GALNT14: variants seen among roughly 807,000 people sequenced by gnomAD.
GALNT14 encodes the protein UDP-GalNAc:polypeptide N-acetylgalactosaminyltransferase 14.
Under a neutral mutation model 77.5 loss-of-function variants are expected in GALNT14, and 60 were observed. The ratio of observed to expected loss-of-function variants is 0.77; its 90% CI spans 0.63 to 0.96. GALNT14 has a LOEUF of 0.96. Among genes scored for constraint, GALNT14 ranks in the 40% least tolerant of loss-of-function variants. The probability of loss-of-function intolerance (pLI) is 0.00; values close to 1 mark genes in which losing one functional copy is unlikely to be tolerated. For missense variants in GALNT14, 710 were observed against 731.0 expected (o/e 0.97, Z 0.33); for synonymous variants, 280 against 281.7 (o/e 0.99, Z 0.06).
At chr2:30,954,245 G>A (rs1196079585) in intron 6 of GALNT14, among the ~76,000 whole-genome samples, 1 of 152,210 alleles carries the variant, frequency 6.6e-6, no homozygotes, top group Non-Finnish European at 1.5e-5. Flanking sequence ...GAGCATGGAG[G>A]GAGGCGTGCA....
intron 1 of GALNT14, among the ~76,000 whole-genome samples, chr2:30,996,860 C>G (rs1422351212): frequency 2.0e-5 from 3 of 152,174 alleles, no homozygotes; most frequent in Admixed American, 6.5e-5. Flanking sequence ...ACTGAGACCC[C>G]CTGAGGGGGA....
the GALNT14 span, among the ~76,000 whole-genome samples, chr2:30,904,939 C>A: frequency 7.2e-4 from 109 of 152,100 alleles, no homozygotes; most frequent in African/African-American, 2.5e-3. Context: ...AGGCACCCCC[C>A]AGCAGGGGCA....
intron 14 of GALNT14, 119 bp downstream of exon 14, chr2:30,912,104 C>A: frequency 7.6e-7 from 1 of 1,322,106 alleles, no homozygotes. Context: ...CTCCTGACCT[C>A]TCTTATCAAC....
chr2:31,044,679 A>T (rs575907015), intron 1 of GALNT14, among the ~76,000 whole-genome samples: 27 of 152,064 alleles, frequency 1.8e-4, no homozygotes, highest in Non-Finnish European at 4.0e-4. Flanking sequence ...GCGCTTTGGG[A>T]GGTCGAGGTG....
chr2:31,113,312 C>A (rs1016898757), intron 1 of GALNT14, among the ~76,000 whole-genome samples: 1 of 152,040 alleles, frequency 6.6e-6, no homozygotes, highest in African/African-American at 2.4e-5. Context: ...CAGGATCTGC[C>A]GGGCTGGGTG....
At chr2:31,007,788 T>C (rs1336991117) in intron 1 of GALNT14, among the ~76,000 whole-genome samples, 1 of 152,168 alleles carries the variant, frequency 6.6e-6, no homozygotes, top group Non-Finnish European at 1.5e-5. Context: ...TGCATTAAAA[T>C]CAGATTCTGG....
At chr2:30,994,688 C>T (rs763350901) in intron 1 of GALNT14, among the ~76,000 whole-genome samples, 13 of 152,136 alleles carry the variant, frequency 8.5e-5, no homozygotes, top group Non-Finnish European at 1.3e-4. Context: ...CATCACCCCA[C>T]GGTAACCTTG....
At chr2:31,030,189 G>A (rs961661103) in intron 1 of GALNT14, among the ~76,000 whole-genome samples, 1 of 152,154 alleles carries the variant, frequency 6.6e-6, no homozygotes, top group Non-Finnish European at 1.5e-5. Context: ...CTCCCTAAGT[G>A]GACAGGTTAG....
chr2:30,965,902 A>C (rs1667974953), intron 3 of GALNT14, among the ~76,000 whole-genome samples: 1 of 152,090 alleles, frequency 6.6e-6, no homozygotes, highest in South Asian at 2.1e-4. Context: ...CATGCTCTAG[A>C]GGCAGCCTGG....
At chr2:30,935,564 G>A (rs1008986077) in intron 9 of GALNT14, among the ~76,000 whole-genome samples, 2 of 152,208 alleles carry the variant, frequency 1.3e-5, no homozygotes, top group Admixed American at 6.5e-5. Flanking sequence ...GTCTTGACAT[G>A]GATCGCTGTG....
In GALNT14 at chr2:30,919,434, A is replaced by T. The variant is rs145095217; in HGVS notation, c.1380+4685T>A. On this transcript the variant is annotated intron_variant, in intron 13 of 14. Transcript: ENST00000349752. Reference sequence around the variant, plus strand: ...CAGAGGACAAAACAGTCTCCTTTCAACAACGAGGACGCCCCAGAGCCTGGG... The same window carrying T: ...CAGAGGACAAAACAGTCTCCTTTCATCAACGAGGACGCCCCAGAGCCTGGG... Among the ~76,000 whole-genome samples, 23 of 152,294 alleles carry T rather than the reference A, an allele frequency of 1.5e-4. 1 individual carries two copies. The East Asian group carries it at 4.4e-3, about 29-fold the overall frequency.
chr2:31,103,020 T>C (rs554876619), intron 1 of GALNT14, among the ~76,000 whole-genome samples: 20 of 152,258 alleles, frequency 1.3e-4, no homozygotes, highest in Admixed American at 1.2e-3. Context: ...ATCACTTTCC[T>C]TTAGGGGCAT....
At chr2:31,131,608 G>T (rs1266585939) in intron 1 of GALNT14, among the ~76,000 whole-genome samples, 5 of 152,162 alleles carry the variant, frequency 3.3e-5, no homozygotes, top group Non-Finnish European at 7.3e-5. Flanking sequence ...TCAAAAACTG[G>T]TTCCTGGGTG....
At chr2:30,954,507 C>T (rs778848047) in intron 6 of GALNT14, among the ~76,000 whole-genome samples, 1 of 152,162 alleles carries the variant, frequency 6.6e-6, no homozygotes, top group South Asian at 2.1e-4. Flanking sequence ...AAGTGGAAGA[C>T]GAGCCATCCC....
At chr2:31,041,812 A>G (rs953515485) in intron 1 of GALNT14, among the ~76,000 whole-genome samples, 1 of 152,190 alleles carries the variant, frequency 6.6e-6, no homozygotes, top group Non-Finnish European at 1.5e-5. Context: ...GGGCACCTGA[A>G]CTATAATAGA....
intron 1 of GALNT14, among the ~76,000 whole-genome samples, chr2:30,999,669 T>C (rs1426673115): frequency 6.6e-6 from 1 of 152,200 alleles, no homozygotes; most frequent in African/African-American, 2.4e-5. Context: ...ACAGATGTTG[T>C]TCTGTGAAAA....
chr2:31,095,737 T>C (rs1018234049), intron 1 of GALNT14, among the ~76,000 whole-genome samples: 2 of 152,164 alleles, frequency 1.3e-5, no homozygotes, highest in African/African-American at 4.8e-5. Flanking sequence ...ACTTTCCCTA[T>C]AAAAAGTTCT....
At chr2:31,127,793 G>A (rs896850927) in intron 1 of GALNT14, among the ~76,000 whole-genome samples, 2 of 152,298 alleles carry the variant, frequency 1.3e-5, no homozygotes, top group Admixed American at 1.3e-4. Flanking sequence ...TTTTAAGACA[G>A]GCAGGGAGAA....
At chr2:31,112,983 G>A (rs1427319510) in intron 1 of GALNT14, among the ~76,000 whole-genome samples, 1 of 152,138 alleles carries the variant, frequency 6.6e-6, no homozygotes, top group Admixed American at 6.6e-5. Context: ...TAAAATTCTA[G>A]AAACACTTCC....
Sources: allele counts gnomAD v4.1 joint callset (sites outside exome capture counted in the v4.1 genomes callset), GRCh38; gene constraint gnomAD v4.1.1; transcripts MANE v1.5; gene names NCBI Gene and HGNC (gene_info 2026-07-23, HGNC 2026-07-21).